ACBD3: variants seen among roughly 807,000 people sequenced by gnomAD.
The protein encoded by ACBD3 is Golgi resident protein GCP60.
A neutral mutation model predicts 66.9 loss-of-function variants in ACBD3; 30 were observed. That is an observed-to-expected ratio of 0.45 (90% CI 0.34 to 0.61). The LOEUF (loss-of-function observed/expected upper bound fraction) is 0.61. ACBD3 is among the 20% of genes least tolerant of loss of function. The pLI, the probability that ACBD3 is intolerant of heterozygous loss-of-function variation, is 0.02. For missense variants in ACBD3, 544 were observed against 664.5 expected, an observed-to-expected ratio of 0.82 and a Z score of 1.99; for synonymous variants, 278 against 259.8, an observed-to-expected ratio of 1.07 and a Z score of -0.68.
intron 1 of ACBD3, among the ~76,000 whole-genome samples, chr1:226,170,998 C>T (rs184392744): frequency 6.6e-6 from 1 of 152,018 alleles, no homozygotes; most frequent in Non-Finnish European, 1.5e-5. Flanking sequence ...AGGTTGGTCT[C>T]GAGCTCCTGG....
At chr1:226,155,360 T>C (rs2102777134) in intron 5 of ACBD3, among the ~76,000 whole-genome samples, 1 of 149,336 alleles carries the variant, frequency 6.7e-6, no homozygotes, top group African/African-American at 2.5e-5. Context: ...GAGGTTGCAG[T>C]GACCTGAGAT....
chr1:226,146,537 A>G lies in ACBD3; in HGVS notation c.*73T>C. On this transcript the variant is annotated 3_prime_UTR_variant, in exon 8 of 8. Coordinates refer to ENST00000366812, the MANE Select transcript of ACBD3 (RefSeq NM_022735.4). Reference sequence around the variant, plus strand: ...AAACTGTGACTCTAATGCTCCACAAAAGTAAAAAGAAATTTCCAAATTAAA... The same window carrying G: ...AAACTGTGACTCTAATGCTCCACAAGAGTAAAAAGAAATTTCCAAATTAAA... The G allele has an allele frequency of 1.5e-6, 2 of 1,348,628 alleles. No individual in the cohort carries two copies. The highest frequency in any genetic ancestry group is 2.5e-5 in the South Asian group (2 of 80,430). 83.5% of individuals were successfully genotyped at this position (1,348,628 alleles called of 1,614,324 possible).
At chr1:226,154,585 G>T in intron 6 of ACBD3, 62 bp downstream of exon 6, 1 of 1,518,680 alleles carries the variant, frequency 6.6e-7, no homozygotes, top group South Asian at 1.3e-5. Context: ...CTGACTTCAT[G>T]ACTTTTGCCT....
chr1:226,173,966 T>C (rs1216910280), intron 1 of ACBD3, among the ~76,000 whole-genome samples: 3 of 151,904 alleles, frequency 2.0e-5, no homozygotes, highest in African/African-American at 7.3e-5. Flanking sequence ...TTTCACCATG[T>C]TGACCGGGCT....
intron 1 of ACBD3, among the ~76,000 whole-genome samples, chr1:226,176,312 C>T (rs1203282480): frequency 6.6e-6 from 1 of 150,994 alleles, no homozygotes; most frequent in East Asian, 2.0e-4. Flanking sequence ...GTATTCCCAG[C>T]TATTCGGGGG....
chr1:226,159,105 C>T (rs1169507242), intron 5 of ACBD3, 79 bp downstream of exon 5: 39 of 1,517,582 alleles, frequency 2.6e-5, no homozygotes, highest in Non-Finnish European at 3.3e-5. Context: ...AATTCATTTG[C>T]GACTGTTAAA....
chr1:226,165,045 A>T, intron 2 of ACBD3, 116 bp from the exon 3 acceptor site: 1 of 1,132,786 alleles, frequency 8.8e-7, no homozygotes, highest in Non-Finnish European at 1.2e-6. Flanking sequence ...TTCTATTGGG[A>T]GCAAAAGGCT....
rs1490057558 is a variant in ACBD3, at chr1:226,145,696, G to A, written c.*914C>T. On this transcript the variant is annotated 3_prime_UTR_variant, in exon 8 of 8. Coordinates refer to ENST00000366812, the MANE Select transcript of ACBD3 (RefSeq NM_022735.4). ...CTCTGGCAGTGATTTCCATATTAGT[G>A]CAATGTTACTTCCCATATGCTGAAT... 1.3e-5 allele frequency: 2 copies of A among 152,512 alleles called. No individual in the cohort carries two copies. Among genetic ancestry groups the A allele is most frequent in the Non-Finnish European group, 2.9e-5 (2 of 68,010 alleles). The allele number at this position is 152,512 out of a possible 1,614,324, so 9.4% of individuals were successfully genotyped here. A position where few individuals can be genotyped will look rare whatever the true frequency, so the allele number is the denominator to read the frequency against.
Position 226,186,684 on chromosome 1 carries a change from G to A in ACBD3, c.-9C>T, listed in dbSNP as rs371688247. ...TTCAGCACCGCCGCCATCTCCGGCT[G>A]CTGCACCTCCTCAGCGGGGACAGAC... On this transcript the variant is annotated 5_prime_UTR_variant, in exon 1 of 8. Transcript: ENST00000366812. The A allele has an allele frequency of 7.3e-5, 109 of 1,491,022 alleles. 1 individual carries two copies. The African/African-American group carries it at 1.4e-3, about 19-fold the overall frequency. The allele number at this position is 1,491,022 out of a possible 1,614,324, so 92.4% of individuals were successfully genotyped here. A position where few individuals can be genotyped will look rare whatever the true frequency, so the allele number is the denominator to read the frequency against.
At chr1:226,179,523 C>T (rs1656124657) in intron 1 of ACBD3, among the ~76,000 whole-genome samples, 1 of 152,140 alleles carries the variant, frequency 6.6e-6, no homozygotes, top group African/African-American at 2.4e-5. Flanking sequence ...ACACTGTTGC[C>T]TCACAGAGAA....
intron 1 of ACBD3, among the ~76,000 whole-genome samples, chr1:226,170,730 G>A (rs1158799111): frequency 1.3e-5 from 2 of 152,064 alleles, no homozygotes; most frequent in African/African-American, 4.8e-5. Flanking sequence ...GTAAAATACT[G>A]CTATTTGGGT....
chr1:226,164,286 C>T (rs753545792), intron 3 of ACBD3, among the ~76,000 whole-genome samples: 29 of 151,920 alleles, frequency 1.9e-4, no homozygotes, highest in Non-Finnish European at 3.7e-4. Flanking sequence ...AACAGAGAAT[C>T]CCATAAGCAT....
intron 1 of ACBD3, among the ~76,000 whole-genome samples, chr1:226,170,020 CAAAAAA>C (rs771896387): frequency 1.3e-5 from 1 of 74,948 alleles, no homozygotes; most frequent in Non-Finnish European, 2.5e-5. Flanking sequence ...GATTCCATCT[CAAAAAA>C]AAAAAAAAAA....
At chr1:226,173,298 T>C (rs1655898436) in intron 1 of ACBD3, among the ~76,000 whole-genome samples, 1 of 152,210 alleles carries the variant, frequency 6.6e-6, no homozygotes. Flanking sequence ...AAAATGTTAA[T>C]ACTAATAATT....
intron 7 of ACBD3, among the ~76,000 whole-genome samples, chr1:226,151,835 G>A (rs1659578119): frequency 1.3e-5 from 2 of 151,854 alleles, no homozygotes; most frequent in East Asian, 3.9e-4. Context: ...GTGAAACCTC[G>A]TCTCTACTAA....
At chr1:226,183,696 C>T (rs921355145) in intron 1 of ACBD3, among the ~76,000 whole-genome samples, 3 of 151,688 alleles carry the variant, frequency 2.0e-5, no homozygotes, top group African/African-American at 7.3e-5. Context: ...CAGTTCGAGA[C>T]CAGCATGGAG....
At chr1:226,152,971 T>C (rs970643269) in intron 6 of ACBD3, among the ~76,000 whole-genome samples, 5 of 152,238 alleles carry the variant, frequency 3.3e-5, no homozygotes, top group African/African-American at 1.2e-4. Context: ...AGAGAGATTC[T>C]GGCTTTAGGA....
intron 1 of ACBD3, among the ~76,000 whole-genome samples, chr1:226,167,856 A>G (rs1659904548): frequency 1.3e-5 from 2 of 152,196 alleles, no homozygotes; most frequent in South Asian, 2.1e-4. Context: ...AGAAATATAA[A>G]TTAAAAGCAT....
intron 1 of ACBD3, among the ~76,000 whole-genome samples, chr1:226,169,242 T>A (rs796101797): frequency 1.7e-4 from 26 of 151,794 alleles, no homozygotes; most frequent in African/African-American, 5.8e-4. Flanking sequence ...TAGAGAGTTT[T>A]TTTTTATTTT....
Sources: allele counts gnomAD v4.1 joint callset (sites outside exome capture counted in the v4.1 genomes callset), GRCh38; gene constraint gnomAD v4.1.1; transcripts MANE v1.5; gene names NCBI Gene and HGNC (gene_info 2026-07-23, HGNC 2026-07-21).